SLC47A2: variants seen among roughly 807,000 people sequenced by gnomAD.
SLC47A2 encodes the protein solute carrier family 47 member 2, also known as multidrug and toxin extrusion protein 2.
In SLC47A2, 52 loss-of-function variants were observed where a neutral mutation model predicts 67.7. The observed-to-expected ratio is 0.77, with a 90% CI of 0.61 to 0.97. SLC47A2 has a LOEUF of 0.97. Among genes scored for constraint, SLC47A2 ranks in the 50% least tolerant of loss-of-function variants. SLC47A2 has a pLI of 0.00. For synonymous variants in SLC47A2, 278 were observed against 292.9 expected, an observed-to-expected ratio of 0.95 and a Z score of 0.52; for missense variants, 676 against 712.3, an observed-to-expected ratio of 0.95 and a Z score of 0.58.
chr17:19,708,448 G>A, intron 6 of SLC47A2, 49 bp from the exon 7 acceptor site: 2 of 1,614,190 alleles, frequency 1.2e-6, no homozygotes, highest in Non-Finnish European at 1.7e-6. Flanking sequence ...GAGATGGATG[G>A]AGGATGGACA....
chr17:19,703,247 C>T (rs1252632058), intron 11 of SLC47A2, 80 bp from the exon 12 acceptor site: 3 of 1,358,070 alleles, frequency 2.2e-6, no homozygotes, highest in Non-Finnish European at 3.1e-6. Context: ...GGGCTGGCCC[C>T]TATGTCAGTG....
intron 13 of SLC47A2, among the ~76,000 whole-genome samples, chr17:19,686,177 G>A (rs536494442): frequency 4.6e-5 from 7 of 152,216 alleles, no homozygotes; most frequent in Non-Finnish European, 8.8e-5. Flanking sequence ...CAGGAGAATC[G>A]CTTGAACCCA....
At chr17:19,679,721 G>C (rs1018203984) in intron 16 of SLC47A2, among the ~76,000 whole-genome samples, 1 of 151,896 alleles carries the variant, frequency 6.6e-6, no homozygotes, top group Admixed American at 6.6e-5. Flanking sequence ...CATACATCTA[G>C]TTGCCTCTCA....
At chr17:19,718,577 A>T (rs976992202), upstream of SLC47A2, 1 of 152,228 alleles carries the variant, frequency 6.6e-6, no homozygotes, top group African/African-American at 2.4e-5. Context: ...TCTCAGGAAC[A>T]TTCCCAGGAT....
intron 13 of SLC47A2, among the ~76,000 whole-genome samples, chr17:19,701,517 G>A (rs1192319058): frequency 6.6e-6 from 1 of 152,212 alleles, no homozygotes; most frequent in Non-Finnish European, 1.5e-5. Flanking sequence ...GAATGCGCCA[G>A]TATTGCTAAG....
At chr17:19,704,655 G>T in intron 10 of SLC47A2, 1 of 1,549,226 alleles carries the variant, frequency 6.5e-7, no homozygotes, top group South Asian at 1.2e-5. Context: ...ATGCGTACCC[G>T]AGTGACATGG....
chr17:19,694,079 T>C (rs903868480), intron 13 of SLC47A2, among the ~76,000 whole-genome samples: 2 of 152,088 alleles, frequency 1.3e-5, no homozygotes, highest in Non-Finnish European at 2.9e-5. Context: ...AAAAGAAGTA[T>C]AAGATTTGTC....
intron 13 of SLC47A2, among the ~76,000 whole-genome samples, chr17:19,688,186 CT>C (rs1426887163): frequency 2.6e-5 from 4 of 152,162 alleles, no homozygotes; most frequent in African/African-American, 7.2e-5. Context: ...GGATTTATCT[CT>C]GGGATATAAG....
intron 9 of SLC47A2, among the ~76,000 whole-genome samples, 165 bp from the exon 10 acceptor site, chr17:19,705,668 T>C (rs56344696): frequency 0.015 from 2,267 of 151,874 alleles, 52 homozygotes; most frequent in African/African-American, 0.05. Flanking sequence ...GGCGCAATTA[T>C]AGCTCACTGC....
At chr17:19,715,263 A>G (rs1039645745) in intron 1 of SLC47A2, 46 bp from the exon 2 acceptor site, 2 of 1,557,314 alleles carry the variant, frequency 1.3e-6, no homozygotes, top group Non-Finnish European at 1.8e-6. Context: ...AGGTGCCCAC[A>G]CAGCCGAGCC....
intron 10 of SLC47A2, 95 bp from the exon 11 acceptor site, chr17:19,704,273 G>T: frequency 2.0e-6 from 2 of 978,838 alleles, no homozygotes; most frequent in Non-Finnish European, 1.5e-6. Flanking sequence ...TGAGCGGGAA[G>T]GCAGAGCAGA....
At chr17:19,706,537 C>CGT in intron 9 of SLC47A2, 111 bp downstream of exon 9, 1 of 851,352 alleles carries the variant, frequency 1.2e-6, no homozygotes, top group Non-Finnish European at 1.8e-6. Context: ...GGTGAGCTGC[C>CGT]ATCCTGGGGA....
chr17:19,716,205 TG>T, intron 1 of SLC47A2: 2 of 607,426 alleles, frequency 3.3e-6, no homozygotes, highest in Non-Finnish European at 5.4e-6. Flanking sequence ...CCCTTCTGTG[TG>T]GGGGCTGCCT....
chr17:19,712,702 C>T lies in SLC47A2; in HGVS notation c.486+1G>A, dbSNP rs2086133600. 2.5e-6 allele frequency: 4 copies of T among 1,613,244 alleles called. No homozygotes were observed. The highest frequency in any genetic ancestry group is 3.4e-6 in the Non-Finnish European group (4 of 1,179,770). On this transcript the variant is annotated splice_donor_variant, in intron 5 of 16. Coordinates refer to ENST00000433844, the MANE Select transcript of SLC47A2 (RefSeq NM_001099646.3). LOFTEE classifies it high-confidence loss of function. Reference sequence around the variant, plus strand: ...CACGCTCAGCAAACAGGGGCACCTACCGGAAGTCCTGGAATGAAAATCATT... The same window carrying T: ...CACGCTCAGCAAACAGGGGCACCTATCGGAAGTCCTGGAATGAAAATCATT...
At position 19,705,477 on chromosome 17, in the gene SLC47A2, C is replaced by T; in HGVS notation, c.868G>A (p.Ala290Thr). ...GCCACCTCGTAGATGACAGCCTGGG[C>T]AGAGAGATCCACCACACTGAGCAGC... Reference protein sequence around the residue: ...MGLLSVVDLSAQAVIYEVATV... With the variant: ...MGLLSVVDLSTQAVIYEVATV... Residue 290 changes from alanine (A) to threonine (T), a missense_variant, in exon 10 of 17, where the codon GCC (alanine) becomes ACC (threonine). By Grantham distance (58) the Ala-to-Thr change is moderately conservative. Coordinates refer to ENST00000433844, the MANE Select transcript of SLC47A2 (RefSeq NM_001099646.3). 2.5e-6 allele frequency: 4 copies of T among 1,611,504 alleles called. No individual in the cohort carries two copies. Among genetic ancestry groups the T allele is most frequent in the Middle Eastern group, 3.3e-4 (2 of 6,022 alleles).
chr17:19,702,820 C>G, intron 12 of SLC47A2, 146 bp from the exon 13 acceptor site: 1 of 981,446 alleles, frequency 1.0e-6, no homozygotes, highest in Non-Finnish European at 1.5e-6. Flanking sequence ...CACTGCTAGC[C>G]CAGAGTTTTC....
chr17:19,703,078 A>G lies in SLC47A2; in HGVS notation c.1094+14T>C, dbSNP rs1456723823. ...ACATTTTCCAAGAGTCAGCACAGAA[A>G]ACTGATTACCTACTCATCATTGGTA... is the stretch of plus-strand genomic sequence containing the variant. On this transcript the variant is annotated intron_variant, in intron 12 of 16. Coordinates refer to ENST00000433844, the MANE Select transcript of SLC47A2 (RefSeq NM_001099646.3). The G allele has an allele frequency of 3.7e-6, 6 of 1,612,804 alleles. No homozygotes were observed. Among genetic ancestry groups the G allele is most frequent in the African/African-American group, 1.3e-5 (1 of 74,914 alleles).
upstream of SLC47A2, chr17:19,716,955 G>A (rs1375278621): frequency 1.7e-5 from 3 of 173,276 alleles, no homozygotes; most frequent in African/African-American, 2.4e-5. Context: ...GTACCCGGGC[G>A]TGATGGTGCC....
At chr17:19,690,912 G>T (rs936474147) in intron 13 of SLC47A2, among the ~76,000 whole-genome samples, 3 of 152,044 alleles carry the variant, frequency 2.0e-5, no homozygotes, top group Admixed American at 6.5e-5. Flanking sequence ...CTGAGGTCGG[G>T]AGTTCTAAAC....
Sources: gnomAD v4.1 joint callset for allele counts (sites outside exome capture counted in the v4.1 genomes callset) on GRCh38, gnomAD v4.1.1 for gene constraint, MANE v1.5 for transcripts, NCBI Gene and HGNC (gene_info 2026-07-23, HGNC 2026-07-21) for gene names.